CAP1: variants seen among roughly 807,000 people sequenced by gnomAD.
CAP1 encodes the protein adenylyl cyclase-associated protein 1.
CAP1 carries 11 observed loss-of-function variants against 58.2 expected under a neutral mutation model. The observed-to-expected ratio is 0.19, with a 90% CI of 0.12 to 0.31. CAP1 has a LOEUF of 0.31. Among genes scored for constraint, CAP1 ranks in the 10% least tolerant of loss-of-function variants. The pLI is 1.00. For synonymous variants in CAP1, 183 were observed against 213.8 expected (o/e 0.86, Z 1.26); for missense variants, 423 against 587.5 (o/e 0.72, Z 2.89).
At chr1:40,052,769 C>T (rs1570366744) in intron 1 of CAP1, among the ~76,000 whole-genome samples, 1 of 152,146 alleles carries the variant, frequency 6.6e-6, no homozygotes. Context: ...AAAAGTTGGC[C>T]TCCATGGAGA....
intron 8 of CAP1, among the ~76,000 whole-genome samples, chr1:40,068,701 C>G (rs1285345174): frequency 6.6e-6 from 1 of 152,030 alleles, no homozygotes; most frequent in Non-Finnish European, 1.5e-5. Flanking sequence ...AAAGGCCATT[C>G]AGTATTTGTT....
At chr1:40,041,212 G>T (rs1557667177) in intron 1 of CAP1, among the ~76,000 whole-genome samples, 4 of 152,244 alleles carry the variant, frequency 2.6e-5, no homozygotes, top group Non-Finnish European at 5.9e-5. Flanking sequence ...TCGGAATCAT[G>T]ATCCTGGTGC....
intron 1 of CAP1, among the ~76,000 whole-genome samples, chr1:40,045,609 G>T (rs1323204910): frequency 6.6e-6 from 1 of 152,072 alleles, no homozygotes; most frequent in African/African-American, 2.4e-5. Flanking sequence ...AGGCTGGAGT[G>T]CAGTGGCGTG....
At chr1:40,045,917 G>C (rs1004604576) in intron 1 of CAP1, among the ~76,000 whole-genome samples, 1 of 152,036 alleles carries the variant, frequency 6.6e-6, no homozygotes, top group African/African-American at 2.4e-5. Flanking sequence ...TAAACCCCTG[G>C]CCTCAGGTGA....
intron 1 of CAP1, among the ~76,000 whole-genome samples, chr1:40,049,053 T>G (rs750126848): frequency 8.5e-5 from 13 of 152,122 alleles, no homozygotes; most frequent in Non-Finnish European, 1.2e-4. Context: ...CAACAAGAAC[T>G]GCACGCATAA....
intron 6 of CAP1, among the ~76,000 whole-genome samples, chr1:40,065,388 T>C (rs1017461909): frequency 2.6e-5 from 4 of 151,418 alleles, no homozygotes; most frequent in Admixed American, 2.6e-4. Flanking sequence ...TTAAGTTGCA[T>C]ATCTACACAA....
At chr1:40,067,878 A>G (rs988404970) in intron 8 of CAP1, among the ~76,000 whole-genome samples, 161 bp downstream of exon 8, 1 of 152,210 alleles carries the variant, frequency 6.6e-6, no homozygotes, top group Non-Finnish European at 1.5e-5. Context: ...TTAAATGGAA[A>G]TTGAAAATGA....
At chr1:40,046,238 C>T (rs1439432482) in intron 1 of CAP1, among the ~76,000 whole-genome samples, 1 of 152,070 alleles carries the variant, frequency 6.6e-6, no homozygotes, top group Non-Finnish European at 1.5e-5. Flanking sequence ...GGTGGATCAC[C>T]TGAGGTCAGG....
chr1:40,045,704 C>T (rs527538245), intron 1 of CAP1, among the ~76,000 whole-genome samples: 3 of 152,238 alleles, frequency 2.0e-5, no homozygotes, highest in African/African-American at 7.2e-5. Flanking sequence ...TAGAGGCACA[C>T]ACCACCACAC....
Position 40,070,968 on chromosome 1 carries a change from G to A in CAP1, c.1333G>A (p.Gly445Ser). ...GATGAATGTCCTCATTCCTACAGAAGGCGGTGACTTTGTAAGTTTCTTGAT... is the reference window on the plus strand; with the variant it reads ...GATGAATGTCCTCATTCCTACAGAAAGCGGTGACTTTGTAAGTTTCTTGAT... ...SEMNVLIPTE[G>S]GDFNEFPVPE... The change falls in exon 12 of 13, where the codon GGC (glycine) becomes AGC (serine). Residue 445 changes from glycine (G) to serine (S), a missense_variant. Transcript: ENST00000372805. 1.2e-6 allele frequency: 2 copies of A among 1,610,714 alleles called. No individual in the cohort carries two copies. The highest frequency in any genetic ancestry group is 1.7e-6 in the Non-Finnish European group (2 of 1,178,924).
rs764495393 is a variant in CAP1, at chr1:40,070,186, G to A, written c.1021G>A (p.Val341Met). 45 of 1,614,034 alleles carry A rather than the reference G, an allele frequency of 2.8e-5. No individual in the cohort carries two copies. The highest frequency in any genetic ancestry group is 1.7e-6 in the Non-Finnish European group (2 of 1,180,022). Reference protein sequence around the residue: ...VENQENVSNLVIEDTELKQVA... With the variant: ...VENQENVSNLMIEDTELKQVA... ...AAATCAGGAAAATGTTTCCAACCTGGTGATTGAGGACACAGAGCTGAAACA... is the reference window on the plus strand; with the variant it reads ...AAATCAGGAAAATGTTTCCAACCTGATGATTGAGGACACAGAGCTGAAACA... Residue 341 changes from valine to methionine, a missense_variant, in exon 10 of 13, where the codon GTG becomes ATG. By Grantham distance (21) the Val-to-Met change is conservative (BLOSUM62 1). Transcript: ENST00000372805.
intron 1 of CAP1, among the ~76,000 whole-genome samples, chr1:40,044,711 C>A (rs1645999728): frequency 6.6e-6 from 1 of 151,660 alleles, no homozygotes; most frequent in Non-Finnish European, 1.5e-5. Flanking sequence ...TAACCTTTTG[C>A]ACCTCCCTAT....
At chr1:40,047,683 C>T (rs1036966773) in intron 1 of CAP1, among the ~76,000 whole-genome samples, 3 of 152,120 alleles carry the variant, frequency 2.0e-5, no homozygotes, top group African/African-American at 4.8e-5. Flanking sequence ...AAGGGACTGC[C>T]GAGTGCTCTG....
rs757104217 is a variant in CAP1, at chr1:40,070,828, C to T, written c.1201-8C>T. On this transcript the variant is annotated splice_region_variant and splice_polypyrimidine_tract_variant and intron_variant, in intron 11 of 12. Coordinates refer to ENST00000372805, the MANE Select transcript of CAP1 (RefSeq NM_006367.4). Reference sequence around the variant, plus strand: ...ACTGGGACTCAGTTCTCTTTGTTTACTCTGCAGGTAATGGGTAAAGTGCCA... The same window carrying T: ...ACTGGGACTCAGTTCTCTTTGTTTATTCTGCAGGTAATGGGTAAAGTGCCA... 5 of 1,605,272 alleles carry T rather than the reference C, an allele frequency of 3.1e-6. No homozygotes were observed. Among genetic ancestry groups the T allele is most frequent in the Non-Finnish European group, 4.2e-6 (5 of 1,176,588 alleles).
intron 1 of CAP1, among the ~76,000 whole-genome samples, chr1:40,045,591 G>A (rs951539330): frequency 1.3e-4 from 19 of 151,644 alleles, no homozygotes; most frequent in African/African-American, 3.6e-4. Flanking sequence ...AGTTTTGCTC[G>A]GTCGCCCAGG....
At chr1:40,064,749 A>G (rs548710610) in intron 6 of CAP1, among the ~76,000 whole-genome samples, 190 bp downstream of exon 6, 3 of 151,980 alleles carry the variant, frequency 2.0e-5, no homozygotes, top group African/African-American at 7.2e-5. Flanking sequence ...CTAATTTTCT[A>G]ATTTTTTCGT....
chr1:40,042,268 C>T (rs956117420), intron 1 of CAP1, among the ~76,000 whole-genome samples: 1 of 152,080 alleles, frequency 6.6e-6, no homozygotes, highest in Admixed American at 6.6e-5. Flanking sequence ...CTGGAGTTTA[C>T]AGTGGGAGAG....
chr1:40,067,747 G>T, intron 8 of CAP1, 30 bp downstream of exon 8: 1 of 1,543,408 alleles, frequency 6.5e-7, no homozygotes, highest in Middle Eastern at 1.7e-4. Context: ...CGAACAGTAG[G>T]TACAACAAGT....
At chr1:40,069,022 C>T (rs1337322139) in intron 8 of CAP1, among the ~76,000 whole-genome samples, 2 of 152,124 alleles carry the variant, frequency 1.3e-5, no homozygotes, top group East Asian at 3.9e-4. Flanking sequence ...TTAGTAGAGA[C>T]TAAAAATACA....
Sources: gnomAD v4.1 joint callset for allele counts (sites outside exome capture counted in the v4.1 genomes callset) on GRCh38, gnomAD v4.1.1 for gene constraint, MANE v1.5 for transcripts, NCBI Gene and HGNC (gene_info 2026-07-23, HGNC 2026-07-21) for gene names.